Variants in DNAI7 observed in about 807,000 individuals in gnomAD.
The protein encoded by DNAI7 is dynein axonemal intermediate chain 7, also known as cancer susceptibility 1.
In DNAI7, 78 loss-of-function variants were observed where a neutral mutation model predicts 86.6. The ratio of observed to expected loss-of-function variants is 0.90; its 90% CI spans 0.75 to 1.09. DNAI7 has a LOEUF of 1.09. Ranked by LOEUF, DNAI7 falls within the 50% of genes least tolerant of loss-of-function variation. The pLI, the probability that DNAI7 is intolerant of heterozygous loss-of-function variation, is 0.00. For missense variants in DNAI7, 753 were observed against 810.2 expected (o/e 0.93, Z 0.86); for synonymous variants, 274 against 273.0 (o/e 1.00, Z -0.04).
intron 1 of DNAI7, chr12:25,194,846 G>A (rs73071293): frequency 0.018 from 28,911 of 1,596,032 alleles, 691 homozygotes; most frequent in South Asian, 0.092. Flanking sequence ...TGACAGCTTT[G>A]ACCATCTCCC....
At chr12:25,123,960 T>A (rs1228786298) in intron 9 of DNAI7, among the ~76,000 whole-genome samples, 1 of 151,316 alleles carries the variant, frequency 6.6e-6, no homozygotes, top group African/African-American at 2.4e-5. Flanking sequence ...AAGGGTCAAA[T>A]AAGATAATGG....
intron 8 of DNAI7, 21 bp from the exon 9 acceptor site, chr12:25,144,698 CA>C (rs753584382): frequency 1.9e-6 from 3 of 1,567,278 alleles, no homozygotes; most frequent in Non-Finnish European, 2.6e-6. Flanking sequence ...TTAATTACAA[CA>C]AAAAAAGATG....
chr12:25,133,994 T>C (rs1273995503), intron 9 of DNAI7, among the ~76,000 whole-genome samples: 1 of 152,216 alleles, frequency 6.6e-6, no homozygotes, highest in Non-Finnish European at 1.5e-5. Flanking sequence ...GTATTTGTTT[T>C]GTTTTTATTT....
chr12:25,130,492 G>T (rs1371319673), intron 9 of DNAI7, among the ~76,000 whole-genome samples: 1 of 151,986 alleles, frequency 6.6e-6, no homozygotes, highest in Non-Finnish European at 1.5e-5. Context: ...AGCCGAGATA[G>T]CGCCACTGCA....
At chr12:25,122,468 AGAAGG>A (rs796750418) in intron 10 of DNAI7, among the ~76,000 whole-genome samples, 6,775 of 138,546 alleles carry the variant, frequency 0.049, 673 homozygotes, top group African/African-American at 0.18. Context: ...AAAAAAAAAA[AGAAGG>A]AGAAGAAGAA....
chr12:25,167,331 C>T (rs1035217604), intron 2 of DNAI7, among the ~76,000 whole-genome samples: 10 of 152,204 alleles, frequency 6.6e-5, no homozygotes, highest in African/African-American at 1.4e-4. Flanking sequence ...ACATCAAGCT[C>T]GAGAATTTGC....
chr12:25,157,828 A>G (rs920236985), intron 4 of DNAI7, among the ~76,000 whole-genome samples: 5 of 120,364 alleles, frequency 4.2e-5, no homozygotes, highest in Non-Finnish European at 6.9e-5. Flanking sequence ...TAGAATTTGA[A>G]TATTTTGAAT....
chr12:25,111,740 G>T (rs368555234), intron 14 of DNAI7, 32 bp downstream of exon 14: 3 of 1,419,704 alleles, frequency 2.1e-6, no homozygotes, highest in African/African-American at 2.9e-5. Context: ...TTAAATGCAC[G>T]CCACATTAAA....
chr12:25,145,155 T>C (rs1051651450), intron 8 of DNAI7, among the ~76,000 whole-genome samples: 1 of 152,216 alleles, frequency 6.6e-6, no homozygotes. Context: ...CTTCCACAAG[T>C]GCAAGCATCT....
chr12:25,122,479 A>G (rs79136740), intron 10 of DNAI7, among the ~76,000 whole-genome samples: 8,926 of 144,548 alleles, frequency 0.062, 1,105 homozygotes, highest in African/African-American at 0.23. Flanking sequence ...GAAGGAGAAG[A>G]AGAAGAAGAA....
At chr12:25,189,293 A>G (rs1333355705) in intron 2 of DNAI7, among the ~76,000 whole-genome samples, 1 of 152,198 alleles carries the variant, frequency 6.6e-6, no homozygotes, top group East Asian at 1.9e-4. Flanking sequence ...AATAATTACA[A>G]TAAAATGATA....
intron 8 of DNAI7, among the ~76,000 whole-genome samples, chr12:25,144,966 GCTCCATCC>G (rs1944647417): frequency 1.3e-5 from 2 of 152,038 alleles, no homozygotes; most frequent in Non-Finnish European, 2.9e-5. Context: ...ATTACTCAGT[GCTCCATCC>G]TAAGCCCTTT....
intron 9 of DNAI7, among the ~76,000 whole-genome samples, chr12:25,135,898 C>A (rs1219923568): frequency 6.6e-6 from 1 of 152,104 alleles, no homozygotes; most frequent in Non-Finnish European, 1.5e-5. Flanking sequence ...CCTGCCTCCA[C>A]CTGATGGTCT....
chr12:25,138,882 C>CAAAA lies in DNAI7; in HGVS notation c.1002+5479_1002+5482dup, dbSNP rs35705308. On this transcript the variant is annotated intron_variant, in intron 9 of 15. Coordinates refer to ENST00000395987, the MANE Select transcript of DNAI7 (RefSeq NM_018272.5). ...AGAGCAGAACTAAATGAAATTGAAA[C>CAAAA]AAAAAAAAAAATACAAAAGATAAAT... Among the ~76,000 whole-genome samples, 14 of 141,814 alleles carry CAAAA rather than the reference C, an allele frequency of 9.9e-5. No homozygotes were observed. In the East Asian group the frequency reaches 1.2e-3, roughly 12 times the overall value. 93.0% of individuals were successfully genotyped at this position (141,814 alleles called of 152,430 possible).
chr12:25,171,580 C>T (rs1162292411), intron 2 of DNAI7, among the ~76,000 whole-genome samples: 1 of 152,096 alleles, frequency 6.6e-6, no homozygotes. Context: ...GACACTATTC[C>T]ACAAGATAGA....
chr12:25,137,619 A>T (rs1178451136), intron 9 of DNAI7, among the ~76,000 whole-genome samples: 1 of 152,198 alleles, frequency 6.6e-6, no homozygotes, highest in Non-Finnish European at 1.5e-5. Flanking sequence ...ATAAGAATTC[A>T]CCAACCAAGA....
intron 7 of DNAI7, among the ~76,000 whole-genome samples, chr12:25,147,697 C>G (rs1945047679): frequency 6.6e-6 from 1 of 152,150 alleles, no homozygotes; most frequent in Non-Finnish European, 1.5e-5. Context: ...TTCTGGGTAG[C>G]ACCTGTGGAT....
chr12:25,169,151 G>C (rs554278579), intron 2 of DNAI7, among the ~76,000 whole-genome samples: 73 of 152,228 alleles, frequency 4.8e-4, no homozygotes, highest in African/African-American at 1.6e-3. Context: ...CCCCTGTGAG[G>C]TGCACGTACA....
intron 1 of DNAI7, among the ~76,000 whole-genome samples, chr12:25,193,680 A>C (rs954050138): frequency 2.7e-5 from 3 of 111,978 alleles, no homozygotes; most frequent in African/African-American, 8.3e-5. Context: ...TGGGAGAAGG[A>C]TCTAAGAAGA....
Sources: allele counts gnomAD v4.1 joint callset (sites outside exome capture counted in the v4.1 genomes callset), GRCh38; gene constraint gnomAD v4.1.1; transcripts MANE v1.5; gene names NCBI Gene and HGNC (gene_info 2026-07-23, HGNC 2026-07-21).